Variants in TSR1 observed in about 807,000 individuals in gnomAD.
TSR1 encodes the protein TSR1 ribosome maturation factor, also known as pre-rRNA-processing protein TSR1 homolog.
TSR1 carries 81 observed loss-of-function variants against 90.9 expected under a neutral mutation model. The ratio of observed to expected loss-of-function variants is 0.89; its 90% CI spans 0.74 to 1.07. TSR1 has a LOEUF of 1.07. Ranked by LOEUF, TSR1 falls within the 50% of genes least tolerant of loss-of-function variation. TSR1 has a pLI of 0.00. For missense variants in TSR1, 989 were observed against 987.3 expected (o/e 1.00, Z -0.02); for synonymous variants, 362 against 348.8 (o/e 1.04, Z -0.42).
chr17:2,322,955 G>GC lies in TSR1; in HGVS notation c.*1240dup. 1 of 591,048 alleles carries GC rather than the reference G, an allele frequency of 1.7e-6. No individual in the cohort carries two copies. The highest frequency in any genetic ancestry group is 2.0e-5 in the South Asian group (1 of 50,304). The allele number at this position is 591,048 out of a possible 1,614,324, so 36.6% of individuals were successfully genotyped here. A position where few individuals can be genotyped will look rare whatever the true frequency, so the allele number is the denominator to read the frequency against. On this transcript the variant is annotated 3_prime_UTR_variant, in exon 15 of 15. Coordinates refer to ENST00000301364, the MANE Select transcript of TSR1 (RefSeq NM_018128.5). Reference sequence around the variant, plus strand: ...GATTTTCCTATTTTTAGTTGACACTGCATTTCACCAGGTTGGCCAGGCTGG... The same window carrying GC: ...GATTTTCCTATTTTTAGTTGACACTGCCATTTCACCAGGTTGGCCAGGCTGG...
intron 10 of TSR1, chr17:2,330,213 G>A (rs536663018): frequency 6.6e-5 from 34 of 516,738 alleles, no homozygotes; most frequent in African/African-American, 2.3e-4. Context: ...GAGCCGCCGC[G>A]CCCAGCCAAA....
At chr17:2,327,261 AC>A (rs1371158000) in intron 11 of TSR1, among the ~76,000 whole-genome samples, 1 of 152,024 alleles carries the variant, frequency 6.6e-6, no homozygotes, top group Non-Finnish European at 1.5e-5. Context: ...TACTAAAAAT[AC>A]AAAAAGTAGC....
intron 8 of TSR1, among the ~76,000 whole-genome samples, 195 bp downstream of exon 8, chr17:2,331,974 G>C (rs1467481910): frequency 6.6e-6 from 1 of 152,172 alleles, no homozygotes; most frequent in East Asian, 1.9e-4. Flanking sequence ...ACGTGAGTCT[G>C]CACCACAGTC....
rs751649412 is a variant in TSR1, at chr17:2,332,974, T to G, written c.1292A>C (p.Glu431Ala). 6.2e-7 allele frequency: 1 copy of G among 1,613,596 alleles called. No individual in the cohort carries two copies. Among genetic ancestry groups the G allele is most frequent in the Non-Finnish European group, 8.5e-7 (1 of 1,179,838 alleles). ...TCATTTCCTTACCTGAGATTCCTCC[T>G]CCATAAAATCCTCATGTTCCATATC... ...YDDMEHEDFM[E>A]EESQDESSEE... The change falls in exon 7 of 15, where the codon GAG becomes GCG. Residue 431 changes from glutamate to alanine, a missense_variant. Transcript: ENST00000301364.
rs1388333077 is a variant in TSR1, at chr17:2,335,702, C to T, written c.230G>A (p.Gly77Asp). 6.2e-7 allele frequency: 1 copy of T among 1,613,584 alleles called. No homozygotes were observed. The highest frequency in any genetic ancestry group is 8.5e-7 in the Non-Finnish European group (1 of 1,179,992). ...AVLAEKRQLG[G>D]KDGPPHQVLV... ...TACCTGATGAGGAGGGCCATCCTTG[C>T]CACCCAGCTGTCTCTTCTCTGCCAG... is the stretch of plus-strand genomic sequence containing the variant. Residue 77 changes from glycine (G) to aspartate (D), a missense_variant, in exon 3 of 15, where the codon GGC becomes GAC. Transcript: ENST00000301364.
At chr17:2,336,003 G>T in intron 2 of TSR1, 34 bp downstream of exon 2, 1 of 1,608,192 alleles carries the variant, frequency 6.2e-7, no homozygotes, top group Non-Finnish European at 8.5e-7. Flanking sequence ...GAACACCAGA[G>T]AAGCCGCATT....
chr17:2,335,839 A>G lies in TSR1; in HGVS notation c.202-109T>C, dbSNP rs2064063532. Reference sequence around the variant, plus strand: ...CCCTACCCAAAACCAGCATCTCTCTAGTAAAAGACCACAGGTATGCCAGCG... The same window carrying G: ...CCCTACCCAAAACCAGCATCTCTCTGGTAAAAGACCACAGGTATGCCAGCG... On this transcript the variant is annotated intron_variant, in intron 2 of 14. Transcript: ENST00000301364. 3.7e-6 allele frequency: 5 copies of G among 1,353,196 alleles called. No homozygotes were observed. In the Admixed American group the frequency reaches 1.1e-4, roughly 28 times the overall value. The allele number at this position is 1,353,196 out of a possible 1,614,324, so 83.8% of individuals were successfully genotyped here.
Position 2,332,188 on chromosome 17 carries a change from C to A in TSR1, c.1477G>T (p.Asp493Tyr). The change falls in exon 8 of 15, where the codon GAT becomes TAT. Residue 493 changes from aspartate to tyrosine, a missense_variant. Asp to Tyr is a radical substitution (Grantham distance 160). Coordinates refer to ENST00000301364, the MANE Select transcript of TSR1 (RefSeq NM_018128.5). ...MFPDEVDTPRDVAARIRFQKY... is the reference protein window; with the variant it reads ...MFPDEVDTPRYVAARIRFQKY... ...ACTAACCGAATTCGAGCAGCCACAT[C>A]ACGGGGCGTGTCCACTTCATCTGGA... 1 of 1,613,062 alleles carries A rather than the reference C, an allele frequency of 6.2e-7. No homozygotes were observed. Among genetic ancestry groups the A allele is most frequent in the Middle Eastern group, 1.7e-4 (1 of 6,036 alleles).
intron 11 of TSR1, among the ~76,000 whole-genome samples, chr17:2,327,647 G>A (rs2075583005): frequency 6.6e-6 from 1 of 152,100 alleles, no homozygotes; most frequent in South Asian, 2.1e-4. Flanking sequence ...ATAAGTATCA[G>A]TACATCACAT....
Position 2,323,681 on chromosome 17 carries a change from G to A in TSR1, c.*515C>T, listed in dbSNP as rs1283137433. The A allele has an allele frequency of 1.2e-6, 2 of 1,614,140 alleles. No homozygotes were observed. Among genetic ancestry groups the A allele is most frequent in the Non-Finnish European group, 1.7e-6 (2 of 1,180,008 alleles). On this transcript the variant is annotated 3_prime_UTR_variant, in exon 15 of 15. Coordinates refer to ENST00000301364, the MANE Select transcript of TSR1 (RefSeq NM_018128.5). ...GTGCAACCCAGCTGGTGTGGGAGAG[G>A]ATGAAACTACTCATTGAACCTACAG...
chr17:2,330,833 AG>A (rs1216762495), intron 9 of TSR1, 113 bp downstream of exon 9: 9 of 1,235,380 alleles, frequency 7.3e-6, no homozygotes, highest in Middle Eastern at 2.3e-4. Context: ...TCAATGACTC[AG>A]GGGCTCCCCT....
intron 11 of TSR1, among the ~76,000 whole-genome samples, chr17:2,328,098 C>T (rs188634314): frequency 2.1e-4 from 32 of 151,896 alleles, no homozygotes; most frequent in African/African-American, 7.7e-4. Context: ...CAAAAATTAG[C>T]TAGGCGTGGT....
In TSR1 at chr17:2,323,491, A is replaced by G. The variant is rs745938133; in HGVS notation, c.*705T>C. 20 of 1,150,732 alleles carry G rather than the reference A, an allele frequency of 1.7e-5. No homozygotes were observed. In the African/African-American group the frequency reaches 2.6e-4, roughly 15 times the overall value. 71.3% of individuals were successfully genotyped at this position (1,150,732 alleles called of 1,614,324 possible). ...AGGGTACCCTAGATGTATTAATGAC[A>G]ACCCTCTTGACAGAAGCAGAGTCAG... On this transcript the variant is annotated 3_prime_UTR_variant, in exon 15 of 15. Coordinates refer to ENST00000301364, the MANE Select transcript of TSR1 (RefSeq NM_018128.5).
chr17:2,329,407 C>T lies in TSR1; in HGVS notation c.1839G>A (p.Glu613=), dbSNP rs766935699. The change falls in exon 11 of 15, where the codon GAG becomes GAA. Residue 613 remains glutamate, a synonymous_variant. Coordinates refer to ENST00000301364, the MANE Select transcript of TSR1 (RefSeq NM_018128.5). ...GCCTGAATCCACAGTGAAATATGAG[C>T]TCTTCCTTGGCTTTCACAGGTTCAG... The part of the protein sequence containing the change: ...GNTEPVKAKE[E]LIFHCGFRRF... 8 of 1,614,088 alleles carry T rather than the reference C, an allele frequency of 5.0e-6. No homozygotes were observed. Among genetic ancestry groups the T allele is most frequent in the South Asian group, 4.4e-5 (4 of 91,092 alleles).
rs770456741 is a variant in TSR1 at position 2,324,833 on chromosome 17, A to T, written c.2021-4T>A. The T allele has an allele frequency of 6.2e-7, 1 of 1,604,284 alleles. No homozygotes were observed. The highest frequency in any genetic ancestry group is 1.8e-5 in the Admixed American group (1 of 57,066). On this transcript the variant is annotated splice_polypyrimidine_tract_variant and splice_region_variant and intron_variant, in intron 12 of 14. Coordinates refer to ENST00000301364, the MANE Select transcript of TSR1 (RefSeq NM_018128.5). ...GTAGCAATGAGGCTGTGCATTCCTA[A>T]AGGACAAAAGCAAAGAAGCTATTTA... is the stretch of plus-strand genomic sequence containing the variant.
At position 2,334,806 on chromosome 17, in the gene TSR1, G is replaced by A. The variant is rs765267179; in HGVS notation, c.647C>T (p.Pro216Leu). 8.7e-6 allele frequency: 14 copies of A among 1,614,088 alleles called. No individual in the cohort carries two copies. The Admixed American group carries it at 1.0e-4, about 12-fold the overall frequency. ...KLSKAVEKRF[P>L]HDKLLLLDTQ... The stretch of plus-strand genomic sequence containing the variant: ...GTCTAACAAGAGGAGTTTGTCATGC[G>A]GAAAGCGCTTCTCCACTGCTTTACT... The change falls in exon 5 of 15, where the codon CCG becomes CTG. Residue 216 changes from proline to leucine, a missense_variant. Transcript: ENST00000301364.
At chr17:2,329,576 A>C (rs925036667) in intron 10 of TSR1, 101 bp from the exon 11 acceptor site, 11 of 1,375,434 alleles carry the variant, frequency 8.0e-6, no homozygotes, top group Non-Finnish European at 1.1e-5. Context: ...GACTCATTCT[A>C]AGAACTGACA....
Position 2,329,515 on chromosome 17 carries a change from A to G in TSR1, c.1771-40T>C, listed in dbSNP as rs750660124. 9.9e-6 allele frequency: 16 copies of G among 1,610,118 alleles called. No homozygotes were observed. In the Admixed American group the frequency reaches 2.2e-4, roughly 22 times the overall value. ...AGAAAAACAAAAATCTTCATAGTCT[A>G]GGAATACAATTGCCTAAACTGAAAG... On this transcript the variant is annotated intron_variant, in intron 10 of 14. Transcript: ENST00000301364.
chr17:2,326,043 C>T (rs147262697), intron 11 of TSR1, among the ~76,000 whole-genome samples: 12 of 152,306 alleles, frequency 7.9e-5, no homozygotes, highest in African/African-American at 2.6e-4. Flanking sequence ...TCTTCTGCCT[C>T]AGGCTCCCGA....
Sources: allele counts gnomAD v4.1 joint callset (sites outside exome capture counted in the v4.1 genomes callset), GRCh38; gene constraint gnomAD v4.1.1; transcripts MANE v1.5; gene names NCBI Gene and HGNC (gene_info 2026-07-23, HGNC 2026-07-21).